Variants in MDGA2 observed in about 807,000 individuals in gnomAD.
MDGA2 encodes the protein MAM domain-containing glycosylphosphatidylinositol anchor protein 2.
MDGA2 carries 40 observed loss-of-function variants against 117.8 expected under a neutral mutation model. The observed-to-expected ratio is 0.34, with a 90% CI of 0.26 to 0.44. MDGA2 has a LOEUF of 0.44. MDGA2 is among the 20% of genes least tolerant of loss of function. MDGA2 has a pLI of 1.00. For synonymous variants in MDGA2, 452 were observed against 439.0 expected (o/e 1.03, Z -0.37); for missense variants, 1,123 against 1,250.6 (o/e 0.90, Z 1.54).
In MDGA2 at chr14:46,841,280, AT is replaced by A. The variant is rs1880599591; in HGVS notation, c.*650del. The A allele has an allele frequency of 6.6e-6, 1 of 152,578 alleles. No individual in the cohort carries two copies. Among genetic ancestry groups the A allele is most frequent in the Non-Finnish European group, 1.5e-5 (1 of 68,054 alleles). 9.5% of individuals were successfully genotyped at this position (152,578 alleles called of 1,614,324 possible). A position where few individuals can be genotyped will look rare whatever the true frequency, so the allele number is the denominator to read the frequency against. ...AGTAGTGCATGCAAAAAGAGACAGC[AT>A]ACAGTTATCTAGCTTAGCCATGGGA... On this transcript the variant is annotated 3_prime_UTR_variant, in exon 17 of 17. Transcript: ENST00000399232.
chr14:46,859,170 G>C (rs1881406008), intron 14 of MDGA2, among the ~76,000 whole-genome samples: 1 of 152,046 alleles, frequency 6.6e-6, no homozygotes, highest in South Asian at 2.1e-4. Flanking sequence ...TATGATTCTA[G>C]CCTTTCTGGT....
chr14:47,090,684 T>C (rs113109234), intron 6 of MDGA2, among the ~76,000 whole-genome samples: 47 of 152,308 alleles, frequency 3.1e-4, no homozygotes, highest in Middle Eastern at 3.4e-3. Flanking sequence ...AATGATACTG[T>C]AGTTCTTCAG....
intron 1 of MDGA2, among the ~76,000 whole-genome samples, chr14:47,628,914 A>C (rs939454536): frequency 6.6e-6 from 1 of 152,216 alleles, no homozygotes; most frequent in African/African-American, 2.4e-5. Context: ...CCCATATCCC[A>C]ACTTGAGACA....
intron 1 of MDGA2, among the ~76,000 whole-genome samples, chr14:47,640,677 C>G (rs1897406783): frequency 6.6e-6 from 1 of 152,134 alleles, no homozygotes; most frequent in African/African-American, 2.4e-5. Flanking sequence ...ATAGTTGTCC[C>G]ACTTCTAGTC....
intron 5 of MDGA2, among the ~76,000 whole-genome samples, chr14:47,107,511 C>T (rs1880777772): frequency 6.6e-6 from 1 of 152,066 alleles, no homozygotes; most frequent in Non-Finnish European, 1.5e-5. Context: ...ACCCTGACAT[C>T]CATCAAGCTC....
chr14:46,868,145 C>T (rs1054383934), intron 14 of MDGA2, among the ~76,000 whole-genome samples: 2 of 151,680 alleles, frequency 1.3e-5, no homozygotes, highest in African/African-American at 4.8e-5. Context: ...TACAATTTTA[C>T]AGGGGTCAGT....
intron 1 of MDGA2, among the ~76,000 whole-genome samples, chr14:47,629,965 A>G (rs1379254673): frequency 6.6e-6 from 1 of 152,156 alleles, no homozygotes. Context: ...TGATACTGAT[A>G]CTGCTGGTCT....
chr14:47,096,998 C>T lies in MDGA2; in HGVS notation c.1051G>A (p.Gly351Arg). 2 of 1,613,320 alleles carry T rather than the reference C, an allele frequency of 1.2e-6. No homozygotes were observed. Among genetic ancestry groups the T allele is most frequent in the Non-Finnish European group, 1.7e-6 (2 of 1,179,518 alleles). ...AAAACAGTCTTTTCAGGCAGAGTCC[C>T]AAAGGACCTGACCCAGGTGAGAGAA... The part of the protein sequence containing the change: ...APSLTWVRSF[G>R]TLPEKTVLNG... The change falls in exon 6 of 17, where the codon GGG (glycine) becomes AGG (arginine). Residue 351 changes from glycine to arginine, a missense_variant. By Grantham distance (125) the Gly-to-Arg change is moderately radical. This residue lies in a region of MDGA2 where 890 missense variants were observed against 1,050.3 expected (regional missense o/e 0.85). Coordinates refer to ENST00000399232, the MANE Select transcript of MDGA2 (RefSeq NM_001113498.3).
chr14:47,160,613 T>C (rs1444661612), intron 3 of MDGA2, among the ~76,000 whole-genome samples: 6 of 152,148 alleles, frequency 3.9e-5, no homozygotes. Context: ...TTGTGAGCCA[T>C]AATTGCATGC....
rs1887471491 is a variant in MDGA2, at chr14:47,000,377, TTATATATATATATTTA to T, written c.1819+34618_1819+34633del. ...CACACATATATATGTATATATATAT[TTATATATATATATTTA>T]TATATAAATATATATTTATATATAT... On this transcript the variant is annotated intron_variant, in intron 8 of 16. Coordinates refer to ENST00000399232, the MANE Select transcript of MDGA2 (RefSeq NM_001113498.3). Among the ~76,000 whole-genome samples the T allele has an allele frequency of 2.0e-5, 2 of 100,026 alleles. 1 individual carries two copies. The highest frequency in any genetic ancestry group is 6.6e-5 in the African/African-American group (2 of 30,286). 65.6% of individuals were successfully genotyped at this position (100,026 alleles called of 152,430 possible). A position where few individuals can be genotyped will look rare whatever the true frequency, so the allele number is the denominator to read the frequency against.
chr14:47,017,962 T>C (rs1888142453), intron 8 of MDGA2, among the ~76,000 whole-genome samples: 1 of 152,234 alleles, frequency 6.6e-6, no homozygotes. Context: ...TCTCTGTTCT[T>C]TTTCCCAGTG....
At chr14:47,580,652 T>C (rs1490579332) in intron 1 of MDGA2, among the ~76,000 whole-genome samples, 8 of 151,962 alleles carry the variant, frequency 5.3e-5, no homozygotes, top group Non-Finnish European at 1.2e-4. Flanking sequence ...AGTCTCTATA[T>C]ATTTGAAAGC....
intron 6 of MDGA2, among the ~76,000 whole-genome samples, chr14:47,071,554 T>G (rs1890282488): frequency 6.6e-6 from 1 of 152,166 alleles, no homozygotes; most frequent in South Asian, 2.1e-4. Flanking sequence ...CTGTGGGTTT[T>G]TTTTTTCTCT....
chr14:47,203,142 A>ATTTC (rs556087516), intron 3 of MDGA2, among the ~76,000 whole-genome samples: 2 of 152,104 alleles, frequency 1.3e-5, no homozygotes, highest in African/African-American at 4.8e-5. Context: ...GAATCCAGGT[A>ATTTC]TTTCTTATTT....
At chr14:47,596,773 C>A (rs555377212) in intron 1 of MDGA2, among the ~76,000 whole-genome samples, 1 of 151,720 alleles carries the variant, frequency 6.6e-6, no homozygotes, top group Middle Eastern at 3.4e-3. Context: ...TTTAAAATAT[C>A]CTTGTGAGGT....
chr14:47,227,657 T>TAA (rs34232817), intron 2 of MDGA2, among the ~76,000 whole-genome samples: 51 of 148,840 alleles, frequency 3.4e-4, no homozygotes, highest in Non-Finnish European at 4.6e-4. Flanking sequence ...CAGTAATGAT[T>TAA]AAAAAAAAAA....
intron 5 of MDGA2, among the ~76,000 whole-genome samples, chr14:47,107,256 C>A (rs900121976): frequency 1.3e-5 from 2 of 152,004 alleles, no homozygotes; most frequent in African/African-American, 4.8e-5. Context: ...AGCCTATAAA[C>A]TCTCCTTACA....
At chr14:47,512,247 A>C (rs765848051) in intron 1 of MDGA2, among the ~76,000 whole-genome samples, 1 of 152,206 alleles carries the variant, frequency 6.6e-6, no homozygotes, top group Non-Finnish European at 1.5e-5. Context: ...TTGATGTCCA[A>C]CAATGAATTT....
chr14:47,011,776 A>T (rs1221176669), intron 8 of MDGA2, among the ~76,000 whole-genome samples: 3 of 152,058 alleles, frequency 2.0e-5, no homozygotes, highest in Non-Finnish European at 4.4e-5. Context: ...ATCCAAAGGA[A>T]AGTAGAGAAT....
Sources: gnomAD v4.1 joint callset for allele counts (sites outside exome capture counted in the v4.1 genomes callset) on GRCh38, gnomAD v4.1.1 for gene constraint, gnomAD v4.1.1 regional missense constraint, MANE v1.5 for transcripts, NCBI Gene and HGNC (gene_info 2026-07-23, HGNC 2026-07-21) for gene names.